PHF21B: variants seen among roughly 807,000 people sequenced by gnomAD.
PHF21B encodes the protein PHD finger protein 21B.
A neutral mutation model predicts 62.2 loss-of-function variants in PHF21B; 22 were observed. The ratio of observed to expected loss-of-function variants is 0.35; its 90% CI spans 0.25 to 0.51. The LOEUF (loss-of-function observed/expected upper bound fraction) is 0.51, where lower values mean the gene tolerates loss of function less well. Ranked by LOEUF, PHF21B falls within the 20% of genes least tolerant of loss-of-function variation. The pLI, the probability that PHF21B is intolerant of heterozygous loss-of-function variation, is 0.97. For missense variants in PHF21B, 701 were observed against 707.9 expected (o/e 0.99, Z 0.11); for synonymous variants, 341 against 314.7 (o/e 1.08, Z -0.88).
chr22:44,973,728 C>A (rs78917216), intron 2 of PHF21B, among the ~76,000 whole-genome samples: 3,078 of 152,058 alleles, frequency 0.02, 98 homozygotes, highest in African/African-American at 0.07. Context: ...AGAGTACCCA[C>A]TGTATTCCCA....
chr22:44,958,959 C>T (rs1004801245), intron 2 of PHF21B, among the ~76,000 whole-genome samples: 1 of 151,994 alleles, frequency 6.6e-6, no homozygotes, highest in Non-Finnish European at 1.5e-5. Context: ...GATCATTTAA[C>T]TGCGCAATCT....
At position 44,962,940 on chromosome 22, in the gene PHF21B, A is replaced by G. The variant is rs143718748; in HGVS notation, c.121-42450T>C. Among the ~76,000 whole-genome samples the G allele has an allele frequency of 2.8e-3, 430 of 152,346 alleles. 1 individual carries two copies. The highest frequency in any genetic ancestry group is 0.01 in the African/African-American group (420 of 41,590). On this transcript the variant is annotated intron_variant, in intron 2 of 12. Coordinates refer to ENST00000313237, the MANE Select transcript of PHF21B (RefSeq NM_138415.5). ...TTTCTCTTCCAAGCACCATGATGAT[A>G]AAACAAATCATGACTCGTTCTACCT...
chr22:44,989,743 G>A (rs2073013674), intron 2 of PHF21B, among the ~76,000 whole-genome samples: 1 of 151,640 alleles, frequency 6.6e-6, no homozygotes, highest in Non-Finnish European at 1.5e-5. Context: ...CTTAGCAGCT[G>A]GGATTACAGG....
intron 12 of PHF21B, among the ~76,000 whole-genome samples, chr22:44,884,569 T>C (rs111213388): frequency 3.4e-5 from 5 of 147,090 alleles, no homozygotes; most frequent in South Asian, 2.3e-4. Flanking sequence ...ATCGCCATTA[T>C]CACCATCACT....
At chr22:44,903,161 C>T (rs1158121764) in intron 5 of PHF21B, among the ~76,000 whole-genome samples, 1 of 152,204 alleles carries the variant, frequency 6.6e-6, no homozygotes, top group Non-Finnish European at 1.5e-5. Flanking sequence ...CCTCCTCCAG[C>T]ACATTCTCTC....
chr22:44,898,661 A>T (rs1464677856), intron 5 of PHF21B, among the ~76,000 whole-genome samples: 29 of 152,234 alleles, frequency 1.9e-4, no homozygotes, highest in Non-Finnish European at 3.2e-4. Context: ...TAAAATTTTA[A>T]ATTAAATTGT....
At chr22:44,958,178 C>T (rs1240660455) in intron 2 of PHF21B, among the ~76,000 whole-genome samples, 3 of 152,212 alleles carry the variant, frequency 2.0e-5, no homozygotes, top group Admixed American at 2.0e-4. Context: ...GCTGGGATTA[C>T]AGGTGTGAGC....
In PHF21B at chr22:44,882,829, G is replaced by C. The variant is rs1366547603; in HGVS notation, c.*257C>G. The C allele has an allele frequency of 4.3e-6, 2 of 464,068 alleles. No homozygotes were observed. The highest frequency in any genetic ancestry group is 3.9e-5 in the East Asian group (1 of 25,426). The allele number at this position is 464,068 out of a possible 1,614,324, so 28.7% of individuals were successfully genotyped here. A position where few individuals can be genotyped will look rare whatever the true frequency, so the allele number is the denominator to read the frequency against. ...CCCAGGCAGCCCCGAGGTGGCCGGGGGGAGACTGTGTGCCCCAGCCTGTCG... is the reference window on the plus strand; with the variant it reads ...CCCAGGCAGCCCCGAGGTGGCCGGGCGGAGACTGTGTGCCCCAGCCTGTCG... On this transcript the variant is annotated 3_prime_UTR_variant, in exon 13 of 13. Transcript: ENST00000313237.
At chr22:44,890,803 T>A (rs2070949950) in intron 8 of PHF21B, among the ~76,000 whole-genome samples, 1 of 152,208 alleles carries the variant, frequency 6.6e-6, no homozygotes, top group Non-Finnish European at 1.5e-5. Context: ...CAATGCCTTG[T>A]ACAGAAGGAG....
chr22:44,994,340 C>A (rs543549527), intron 2 of PHF21B, among the ~76,000 whole-genome samples: 30 of 152,338 alleles, frequency 2.0e-4, no homozygotes, highest in Admixed American at 1.6e-3. Flanking sequence ...GGAGAAAAGA[C>A]TCCCAGACAG....
At chr22:44,932,795 G>A (rs1056919289) in intron 2 of PHF21B, among the ~76,000 whole-genome samples, 1 of 152,248 alleles carries the variant, frequency 6.6e-6, no homozygotes, top group Non-Finnish European at 1.5e-5. Context: ...GGATGCAAGG[G>A]TGGGTGGACC....
At chr22:44,887,057 G>A (rs903651964) in intron 10 of PHF21B, among the ~76,000 whole-genome samples, 1 of 150,616 alleles carries the variant, frequency 6.6e-6, no homozygotes, top group Non-Finnish European at 1.5e-5. Flanking sequence ...TTGGGAGGCT[G>A]AAGCAGGAGA....
chr22:44,974,411 A>C (rs1601665461), intron 2 of PHF21B, among the ~76,000 whole-genome samples: 1 of 141,442 alleles, frequency 7.1e-6, no homozygotes. Context: ...CCCTGTCTTA[A>C]AAAAAAAAAA....
At chr22:44,896,180 T>A (rs577139443) in intron 5 of PHF21B, 97 bp from the exon 6 acceptor site, 7 of 1,366,636 alleles carry the variant, frequency 5.1e-6, no homozygotes, top group Admixed American at 5.1e-5. Context: ...GGGCGATACC[T>A]CATGGGTGCC....
intron 2 of PHF21B, among the ~76,000 whole-genome samples, chr22:45,007,428 C>T (rs4823434): frequency 0.35 from 50,159 of 144,160 alleles, 10,310 homozygotes; most frequent in Non-Finnish European, 0.47. Context: ...GGTGGGAGCG[C>T]GGGGGCAGGC....
chr22:44,907,429 G>C (rs2071270074), intron 5 of PHF21B, among the ~76,000 whole-genome samples: 2 of 152,360 alleles, frequency 1.3e-5, no homozygotes, highest in East Asian at 3.9e-4. Context: ...TGTGTGGGGT[G>C]AACAGGCCAG....
chr22:44,988,891 C>T (rs774326791), intron 2 of PHF21B, among the ~76,000 whole-genome samples: 2 of 152,180 alleles, frequency 1.3e-5, no homozygotes, highest in Non-Finnish European at 2.9e-5. Flanking sequence ...TGGCAGTGTC[C>T]GGTGAGGGCT....
chr22:44,923,844 GA>G (rs201542639), intron 2 of PHF21B, among the ~76,000 whole-genome samples: 21 of 148,952 alleles, frequency 1.4e-4, no homozygotes, highest in South Asian at 8.5e-4. Flanking sequence ...ATAGTCTCTA[GA>G]AAAAAAAAAT....
chr22:45,009,338 G>A lies in PHF21B; in HGVS notation c.54+158C>T. Reference sequence around the variant, plus strand: ...GCAGGCGGAGGGGAGCCCAGAAGGGGGTCCGCGCGTGTGCTCACTCCCTCG... The same window carrying A: ...GCAGGCGGAGGGGAGCCCAGAAGGGAGTCCGCGCGTGTGCTCACTCCCTCG... On this transcript the variant is annotated intron_variant, in intron 1 of 12. Transcript: ENST00000313237. The surrounding 1 kb of genome is among the most constrained non-coding windows in gnomAD (Gnocchi z 5.9). 3 of 737,936 alleles carry A rather than the reference G, an allele frequency of 4.1e-6. No homozygotes were observed. Among genetic ancestry groups the A allele is most frequent in the Non-Finnish European group, 6.3e-6 (3 of 475,312 alleles). 45.7% of individuals were successfully genotyped at this position (737,936 alleles called of 1,614,324 possible).
Sources: allele counts gnomAD v4.1 joint callset (sites outside exome capture counted in the v4.1 genomes callset), GRCh38; gene constraint gnomAD v4.1.1; non-coding constraint Gnocchi (gnomAD v3.1); transcripts MANE v1.5; gene names NCBI Gene and HGNC (gene_info 2026-07-23, HGNC 2026-07-21).